The following EVI5 variants were observed in gnomAD, a reference collection of about 807,000 sequenced individuals.
EVI5 encodes ecotropic viral integration site 5.
Under a neutral mutation model 112.0 loss-of-function variants are expected in EVI5, and 73 were observed. The observed-to-expected ratio is 0.65, with a 90% CI of 0.54 to 0.79. The LOEUF is 0.79. EVI5 is among the 30% of genes least tolerant of loss of function. EVI5 has a pLI of 0.00. For synonymous variants in EVI5, 305 were observed against 319.9 expected (o/e 0.95, Z 0.50); for missense variants, 900 against 968.8 (o/e 0.93, Z 0.94).
At chr1:92,743,340 A>G (rs1353301328) in intron 1 of EVI5, among the ~76,000 whole-genome samples, 1 of 152,158 alleles carries the variant, frequency 6.6e-6, no homozygotes, top group Non-Finnish European at 1.5e-5. Context: ...CGACAGAGCA[A>G]GACTCCGTCT....
At chr1:92,570,022 T>C (rs570455286) in intron 18 of EVI5, among the ~76,000 whole-genome samples, 2 of 152,122 alleles carry the variant, frequency 1.3e-5, no homozygotes, top group South Asian at 2.1e-4. Flanking sequence ...TCTGTCTGTA[T>C]ACCCTCAAAG....
intron 16 of EVI5, among the ~76,000 whole-genome samples, chr1:92,622,871 C>T (rs1272112508): frequency 2.0e-5 from 3 of 152,156 alleles, no homozygotes; most frequent in Non-Finnish European, 2.9e-5. Flanking sequence ...GCCTAGTCTC[C>T]GTAGCAATTC....
At chr1:92,521,626 G>A (rs1660947974) in intron 19 of EVI5, among the ~76,000 whole-genome samples, 1 of 151,968 alleles carries the variant, frequency 6.6e-6, no homozygotes, top group African/African-American at 2.4e-5. Flanking sequence ...AGAAGGCGGA[G>A]GTTGCCAGTG....
At chr1:92,654,831 C>T (rs1662736152) in intron 13 of EVI5, among the ~76,000 whole-genome samples, 1 of 151,938 alleles carries the variant, frequency 6.6e-6, no homozygotes, top group Non-Finnish European at 1.5e-5. Flanking sequence ...TTATAAAATA[C>T]AGGTAAAAGC....
intron 9 of EVI5, among the ~76,000 whole-genome samples, chr1:92,691,407 C>T (rs1430302237): frequency 1.3e-5 from 2 of 151,764 alleles, no homozygotes; most frequent in Non-Finnish European, 2.9e-5. Flanking sequence ...AAAATATTAA[C>T]AGTTGTTAAA....
At chr1:92,526,656 T>G (rs1166605096) in intron 19 of EVI5, among the ~76,000 whole-genome samples, 1 of 151,824 alleles carries the variant, frequency 6.6e-6, no homozygotes, top group African/African-American at 2.4e-5. Flanking sequence ...AAAGGAAAAA[T>G]TATGGAGACA....
chr1:92,782,494 T>C (rs1173520190), intron 1 of EVI5, among the ~76,000 whole-genome samples: 1 of 151,968 alleles, frequency 6.6e-6, no homozygotes, highest in Non-Finnish European at 1.5e-5. Flanking sequence ...AGAGGAAATA[T>C]AAATGGTCAA....
chr1:92,685,637 A>G (rs531393133), intron 9 of EVI5, among the ~76,000 whole-genome samples: 1 of 151,962 alleles, frequency 6.6e-6, no homozygotes, highest in East Asian at 1.9e-4. Flanking sequence ...AGAGATTAAC[A>G]AAATAGACCA....
intron 2 of EVI5, among the ~76,000 whole-genome samples, chr1:92,712,206 T>C (rs1222560011): frequency 6.6e-6 from 1 of 152,088 alleles, no homozygotes; most frequent in Non-Finnish European, 1.5e-5. Context: ...CAAATTCATG[T>C]CTCAGAGCAA....
At chr1:92,648,266 G>A (rs1360669616) in intron 13 of EVI5, among the ~76,000 whole-genome samples, 4 of 147,344 alleles carry the variant, frequency 2.7e-5, no homozygotes, top group Admixed American at 6.7e-5. Context: ...CCAGATACTC[G>A]GGAGGCTGAG....
At chr1:92,612,424 G>T (rs1652049052) in intron 16 of EVI5, among the ~76,000 whole-genome samples, 1 of 152,018 alleles carries the variant, frequency 6.6e-6, no homozygotes, top group African/African-American at 2.4e-5. Context: ...AAAAAAGAAG[G>T]AAGGCCAGGC....
At chr1:92,768,837 C>T (rs151034392) in intron 1 of EVI5, among the ~76,000 whole-genome samples, 4 of 152,166 alleles carry the variant, frequency 2.6e-5, no homozygotes, top group African/African-American at 4.8e-5. Flanking sequence ...AACGCACCAC[C>T]ACACTCCAGC....
chr1:92,683,210 T>G (rs1329429293), intron 9 of EVI5, among the ~76,000 whole-genome samples: 1 of 152,146 alleles, frequency 6.6e-6, no homozygotes, highest in Non-Finnish European at 1.5e-5. Context: ...TTTTCTGAAT[T>G]CTAATTCAGA....
intron 1 of EVI5, among the ~76,000 whole-genome samples, chr1:92,744,506 T>C (rs1242658357): frequency 6.6e-6 from 1 of 152,126 alleles, no homozygotes; most frequent in Non-Finnish European, 1.5e-5. Flanking sequence ...CATTTATCAT[T>C]ATGTAATGCC....
At chr1:92,549,570 A>C (rs1472049725) in intron 19 of EVI5, among the ~76,000 whole-genome samples, 2 of 152,028 alleles carry the variant, frequency 1.3e-5, no homozygotes, top group Admixed American at 6.6e-5. Flanking sequence ...CAACCTACAG[A>C]ATGGGAGAAA....
chr1:92,669,798 G>T (rs965470147), intron 10 of EVI5, among the ~76,000 whole-genome samples: 7 of 152,018 alleles, frequency 4.6e-5, no homozygotes, highest in Admixed American at 1.3e-4. Context: ...TCTACCACCT[G>T]ATTGATTCTC....
intron 1 of EVI5, among the ~76,000 whole-genome samples, chr1:92,762,054 G>T (rs1681962207): frequency 6.6e-6 from 1 of 152,108 alleles, no homozygotes; most frequent in Non-Finnish European, 1.5e-5. Context: ...AGAGATGGAA[G>T]TTGCAAAGAT....
intron 13 of EVI5, among the ~76,000 whole-genome samples, chr1:92,639,314 TA>T (rs891598360): frequency 4.6e-5 from 7 of 151,166 alleles, no homozygotes; most frequent in South Asian, 4.2e-4. Context: ...GTCTTGAGCT[TA>T]AAAAAAAATC....
intron 14 of EVI5, among the ~76,000 whole-genome samples, chr1:92,634,957 T>G (rs1403913219): frequency 2.6e-5 from 4 of 152,204 alleles, no homozygotes; most frequent in African/African-American, 9.6e-5. Flanking sequence ...CAGACCCTGT[T>G]TGCCTGTGTA....
Sources: gnomAD v4.1 joint callset for allele counts (sites outside exome capture counted in the v4.1 genomes callset) on GRCh38, gnomAD v4.1.1 for gene constraint, MANE v1.5 for transcripts, NCBI Gene and HGNC (gene_info 2026-07-23, HGNC 2026-07-21) for gene names.